The following ZFHX3 variants were observed in gnomAD, a reference collection of about 807,000 sequenced individuals.
ZFHX3 encodes the protein zinc finger homeobox protein 3.
Under a neutral mutation model 279.1 loss-of-function variants are expected in ZFHX3, and 42 were observed. The ratio of observed to expected loss-of-function variants is 0.15; its 90% CI spans 0.12 to 0.19. The LOEUF is 0.19. ZFHX3 is among the 10% of genes least tolerant of loss of function. ZFHX3 has a pLI of 1.00. For synonymous variants in ZFHX3, 2,293 were observed against 1,957.8 expected (o/e 1.17, Z -4.52); for missense variants, 4,981 against 4,754.0 (o/e 1.05, Z -1.40).
chr16:73,256,546 G>A (rs1243775272), intron 5 of ZFHX3, among the ~76,000 whole-genome samples: 1 of 152,242 alleles, frequency 6.6e-6, no homozygotes, highest in African/African-American at 2.4e-5. Flanking sequence ...GATCTGGGAT[G>A]AGGAAGTTTT....
At chr16:73,252,343 C>T (rs1384684457) in intron 5 of ZFHX3, among the ~76,000 whole-genome samples, 3 of 152,104 alleles carry the variant, frequency 2.0e-5, no homozygotes, top group African/African-American at 7.2e-5. Context: ...ACGGCTGGAG[C>T]TGGGGTAGTG....
chr16:73,131,036 A>C, exon 7 of ZFHX3: 1 of 1,288,100 alleles, frequency 7.8e-7, no homozygotes, highest in Non-Finnish European at 1.0e-6. Flanking sequence ...CCTGGGCTCC[A>C]ATCCAGGTCC....
chr16:73,663,982 A>G (rs756759329), intron 2 of ZFHX3, among the ~76,000 whole-genome samples: 1 of 152,238 alleles, frequency 6.6e-6, no homozygotes, highest in South Asian at 2.1e-4. Context: ...AACACCACCC[A>G]TTTAGAGATG....
chr16:73,736,728 T>A (rs2053612927), intron 1 of ZFHX3, among the ~76,000 whole-genome samples: 1 of 152,200 alleles, frequency 6.6e-6, no homozygotes, highest in Non-Finnish European at 1.5e-5. Context: ...TTCACCCGAT[T>A]TCACCTATGC....
intron 1 of ZFHX3, among the ~76,000 whole-genome samples, chr16:73,889,319 A>ATTCC (rs2030451739): frequency 6.6e-6 from 1 of 152,178 alleles, no homozygotes; most frequent in African/African-American, 2.4e-5. Flanking sequence ...TTTGGCAGGC[A>ATTCC]AAGGGTGTAA....
At chr16:73,278,431 C>T (rs1011408585) in intron 4 of ZFHX3, among the ~76,000 whole-genome samples, 6 of 152,126 alleles carry the variant, frequency 3.9e-5, no homozygotes, top group Non-Finnish European at 8.8e-5. Flanking sequence ...TTCGTGGTCT[C>T]GCTGACTTCA....
chr16:73,272,595 C>A (rs778849851), intron 4 of ZFHX3, among the ~76,000 whole-genome samples: 4 of 152,176 alleles, frequency 2.6e-5, no homozygotes, highest in Non-Finnish European at 4.4e-5. Flanking sequence ...AACACAACCG[C>A]TGCCCTCAAA....
chr16:73,840,825 CTCCCGGTAAAACATG>C (rs1210353073), intron 1 of ZFHX3, among the ~76,000 whole-genome samples: 1 of 152,306 alleles, frequency 6.6e-6, no homozygotes, highest in East Asian at 1.9e-4. Context: ...TCCATTCCTC[CTCCCGGTAAAACATG>C]TCCCTTGGCA....
At chr16:73,590,326 C>G (rs1209597205) in intron 2 of ZFHX3, among the ~76,000 whole-genome samples, 1 of 152,186 alleles carries the variant, frequency 6.6e-6, no homozygotes, top group Non-Finnish European at 1.5e-5. Flanking sequence ...CAACAGGAAC[C>G]AGGGCTCATT....
intron 2 of ZFHX3, among the ~76,000 whole-genome samples, chr16:73,471,579 T>A (rs1347058994): frequency 1.3e-5 from 2 of 152,126 alleles, no homozygotes; most frequent in Non-Finnish European, 2.9e-5. Context: ...TGGCCATGAA[T>A]CTCTTTCTTT....
chr16:73,557,214 T>A (rs981024060), intron 2 of ZFHX3, among the ~76,000 whole-genome samples: 4 of 150,980 alleles, frequency 2.6e-5, no homozygotes, highest in Non-Finnish European at 5.9e-5. Context: ...TCTTCTGTCA[T>A]GGGAGGCCAA....
chr16:73,628,587 T>C (rs2052439868), intron 2 of ZFHX3, among the ~76,000 whole-genome samples: 1 of 152,186 alleles, frequency 6.6e-6, no homozygotes, highest in Non-Finnish European at 1.5e-5. Flanking sequence ...TTGCCCATAG[T>C]AGATACTCAG....
At chr16:73,870,165 T>A (rs1229160740) in intron 1 of ZFHX3, among the ~76,000 whole-genome samples, 1 of 152,222 alleles carries the variant, frequency 6.6e-6, no homozygotes, top group Non-Finnish European at 1.5e-5. Flanking sequence ...TAAAGAAAGA[T>A]AGGTCCCTCA....
chr16:73,601,469 C>G (rs28556628), intron 2 of ZFHX3, among the ~76,000 whole-genome samples: 3,937 of 131,692 alleles, frequency 0.03, 191 homozygotes, highest in African/African-American at 0.11. Flanking sequence ...GACTCCATCT[C>G]AAAAAAAAAA....
chr16:73,711,731 C>A (rs1016938174), intron 1 of ZFHX3, among the ~76,000 whole-genome samples: 22 of 152,230 alleles, frequency 1.4e-4, no homozygotes, highest in African/African-American at 5.3e-4. Context: ...TATTTTCAGA[C>A]CCAAGAGGGC....
chr16:73,023,721 C>T (rs966303846), intron 1 of ZFHX3, among the ~76,000 whole-genome samples: 2 of 152,170 alleles, frequency 1.3e-5, no homozygotes, highest in African/African-American at 4.8e-5. Flanking sequence ...GAGCTCAAAT[C>T]CATAACCTCA....
rs1327323229 is a variant in ZFHX3 at position 72,983,410 on chromosome 16, G to T, written c.-49-23216C>A. ...GAATGAGGGCAACCCCAAAGGGGTC[G>T]ACAGAGAAGGCCTAGGCCAGGTGCG... On this transcript the variant is annotated intron_variant, in intron 1 of 9. Transcript: ENST00000268489. 2.0e-5 allele frequency among the ~76,000 whole-genome samples: 3 copies of T among 152,200 alleles called. No individual in the cohort carries two copies. In the East Asian group the frequency reaches 5.8e-4, roughly 29 times the overall value.
intron 1 of ZFHX3, chr16:73,015,508 T>G: frequency 6.6e-6 from 1 of 152,336 alleles, no homozygotes; most frequent in Non-Finnish European, 1.5e-5. Flanking sequence ...GTGTGCTACA[T>G]GTTTATTTTA....
At chr16:73,656,046 G>C (rs1260036985) in intron 2 of ZFHX3, among the ~76,000 whole-genome samples, 1 of 152,198 alleles carries the variant, frequency 6.6e-6, no homozygotes, top group African/African-American at 2.4e-5. Flanking sequence ...TGATGAAAAT[G>C]AACAAACTAT....
Sources: gnomAD v4.1 joint callset for allele counts (sites outside exome capture counted in the v4.1 genomes callset) on GRCh38, gnomAD v4.1.1 for gene constraint, MANE v1.5 for transcripts, NCBI Gene and HGNC (gene_info 2026-07-23, HGNC 2026-07-21) for gene names.